The following SLC24A2 variants were observed in gnomAD, a reference collection of about 807,000 sequenced individuals.
SLC24A2 encodes sodium/potassium/calcium exchanger 2.
Under a neutral mutation model 62.0 loss-of-function variants are expected in SLC24A2, and 36 were observed. The observed-to-expected ratio is 0.58, with a 90% CI of 0.44 to 0.77. The LOEUF is 0.77. SLC24A2 is among the 30% of genes least tolerant of loss of function. SLC24A2 has a pLI of 0.00. For missense variants in SLC24A2, 846 were observed against 817.9 expected, an observed-to-expected ratio of 1.03 and a Z score of -0.42; for synonymous variants, 358 against 294.0, an observed-to-expected ratio of 1.22 and a Z score of -2.23.
At chr9:19,563,322 G>A (rs1191838416) in intron 7 of SLC24A2, among the ~76,000 whole-genome samples, 2 of 151,910 alleles carry the variant, frequency 1.3e-5, no homozygotes, top group African/African-American at 2.4e-5. Flanking sequence ...AAAAACCAGG[G>A]AAATGCAATT....
At chr9:19,925,229 T>C in the SLC24A2 span, among the ~76,000 whole-genome samples, 1 of 152,196 alleles carries the variant, frequency 6.6e-6, no homozygotes. Context: ...GTCAAAGATA[T>C]ATAGATTTAT....
At chr9:19,969,057 G>A in the SLC24A2 span, among the ~76,000 whole-genome samples, 6 of 151,946 alleles carry the variant, frequency 3.9e-5, no homozygotes, top group East Asian at 7.7e-4. Flanking sequence ...TAACTAGCAC[G>A]GAACTGAGGC....
chr9:19,909,977 C>T, the SLC24A2 span, among the ~76,000 whole-genome samples: 2 of 152,110 alleles, frequency 1.3e-5, no homozygotes, highest in Non-Finnish European at 2.9e-5. Context: ...CTGGCCCTTC[C>T]ATATTCACTC....
intron 2 of SLC24A2, among the ~76,000 whole-genome samples, chr9:19,629,940 C>A (rs772321862): frequency 6.6e-6 from 1 of 152,178 alleles, no homozygotes; most frequent in Non-Finnish European, 1.5e-5. Flanking sequence ...TTATCACACA[C>A]TTATATATGG....
chr9:19,821,082 G>A, the SLC24A2 span, among the ~76,000 whole-genome samples: 1 of 151,966 alleles, frequency 6.6e-6, no homozygotes, highest in Non-Finnish European at 1.5e-5. Flanking sequence ...AGTTTCTGAA[G>A]GATTGTTATG....
chr9:20,297,142 G>C, the SLC24A2 span, among the ~76,000 whole-genome samples: 1 of 152,204 alleles, frequency 6.6e-6, no homozygotes. Flanking sequence ...ACAAGTGGGA[G>C]AGCAAGGATT....
At chr9:20,234,943 C>T in the SLC24A2 span, among the ~76,000 whole-genome samples, 17 of 152,208 alleles carry the variant, frequency 1.1e-4, no homozygotes, top group Non-Finnish European at 2.2e-4. Context: ...TTCCTTCTAA[C>T]AGACAGGACC....
chr9:19,917,961 T>C, the SLC24A2 span, among the ~76,000 whole-genome samples: 1 of 152,148 alleles, frequency 6.6e-6, no homozygotes, highest in Admixed American at 6.6e-5. Flanking sequence ...GTTTTGCTAT[T>C]AAGAGAATAA....
At chr9:19,589,500 A>G (rs1836486405) in intron 5 of SLC24A2, among the ~76,000 whole-genome samples, 1 of 152,234 alleles carries the variant, frequency 6.6e-6, no homozygotes, top group African/African-American at 2.4e-5. Flanking sequence ...TGTTTTTATA[A>G]CAAAAAATAG....
At chr9:19,723,516 T>C (rs1821087138) in intron 2 of SLC24A2, among the ~76,000 whole-genome samples, 1 of 152,154 alleles carries the variant, frequency 6.6e-6, no homozygotes, top group East Asian at 1.9e-4. Flanking sequence ...AAGCTGTGTC[T>C]TTCATCGTCT....
the SLC24A2 span, among the ~76,000 whole-genome samples, chr9:20,241,568 C>G: frequency 1.7e-4 from 26 of 152,086 alleles, no homozygotes; most frequent in African/African-American, 6.0e-4. Flanking sequence ...GTACCTGGTA[C>G]AAAATAGTTG....
chr9:20,302,877 T>C, the SLC24A2 span, among the ~76,000 whole-genome samples: 1 of 152,178 alleles, frequency 6.6e-6, no homozygotes, highest in Non-Finnish European at 1.5e-5. Flanking sequence ...AACATTGAGG[T>C]TGAGATTTTC....
the SLC24A2 span, among the ~76,000 whole-genome samples, chr9:19,921,514 C>T: frequency 1.4e-5 from 1 of 71,972 alleles, no homozygotes; most frequent in African/African-American, 4.9e-5. Flanking sequence ...AGCGAGACTC[C>T]GTGTAAAAAA....
intron 2 of SLC24A2, among the ~76,000 whole-genome samples, chr9:19,636,049 G>A (rs1261690638): frequency 6.6e-6 from 1 of 152,132 alleles, no homozygotes; most frequent in Admixed American, 6.5e-5. Context: ...CAAAGTATCT[G>A]TTTTATTTGT....
the SLC24A2 span, among the ~76,000 whole-genome samples, chr9:20,257,472 TGCA>T: frequency 1.3e-5 from 2 of 152,286 alleles, 1 homozygote; most frequent in East Asian, 3.9e-4. Flanking sequence ...TCATTAGTAC[TGCA>T]GAAAGGAAAA....
chr9:20,107,862 A>C, the SLC24A2 span, among the ~76,000 whole-genome samples: 1 of 152,158 alleles, frequency 6.6e-6, no homozygotes, highest in African/African-American at 2.4e-5. Context: ...AATTAACCTA[A>C]AGAGCTTCAG....
At chr9:20,038,127 C>A in the SLC24A2 span, among the ~76,000 whole-genome samples, 1 of 152,150 alleles carries the variant, frequency 6.6e-6, no homozygotes, top group Non-Finnish European at 1.5e-5. Context: ...AAAATTGAAT[C>A]TCCCAAAAAT....
At chr9:19,607,921 C>T (rs1837038245) in intron 4 of SLC24A2, among the ~76,000 whole-genome samples, 2 of 152,116 alleles carry the variant, frequency 1.3e-5, no homozygotes, top group Non-Finnish European at 2.9e-5. Context: ...AAGAGAGATT[C>T]AGTTTCAACC....
the SLC24A2 span, among the ~76,000 whole-genome samples, chr9:20,096,085 ATCCGTCCGTCCGTCCGTCCGTCCG>A: frequency 2.6e-4 from 36 of 140,480 alleles, no homozygotes; most frequent in East Asian, 4.5e-3. Flanking sequence ...CCATCCATCC[ATCCGTCCGTCCGTCCGTCCGTCCG>A]TCCGTCCGTC....
Sources: allele counts gnomAD v4.1 joint callset (sites outside exome capture counted in the v4.1 genomes callset), GRCh38; gene constraint gnomAD v4.1.1; transcripts MANE v1.5; gene names NCBI Gene and HGNC (gene_info 2026-07-23, HGNC 2026-07-21).